The following BDP1 variants were observed in gnomAD, a reference collection of about 807,000 sequenced individuals.
BDP1 encodes the protein BDP1 general transcription factor IIIB subunit.
Under a neutral mutation model 266.6 loss-of-function variants are expected in BDP1, and 169 were observed. The ratio of observed to expected loss-of-function variants is 0.63; its 90% confidence interval spans 0.56 to 0.72. The LOEUF is 0.72. Among genes scored for constraint, BDP1 ranks in the 30% least tolerant of loss-of-function variants. The pLI is 0.00. For missense variants in BDP1, 3,015 were observed against 3,053.8 expected, an observed-to-expected ratio of 0.99 and a Z score of 0.30; for synonymous variants, 1,090 against 1,022.4, an observed-to-expected ratio of 1.07 and a Z score of -1.26.
chr5:71,512,216 T>G, intron 17 of BDP1, 25 bp from the exon 18 acceptor site: 1 of 1,241,624 alleles, frequency 8.1e-7, no homozygotes. Flanking sequence ...TTATTTGTGC[T>G]GATTTACTAT....
At chr5:71,458,510 T>C in intron 1 of BDP1, 69 bp from the exon 2 acceptor site, 1 of 1,185,314 alleles carries the variant, frequency 8.4e-7, no homozygotes, top group South Asian at 1.9e-5. Flanking sequence ...TTCACCAGAC[T>C]AGGTTTTAAA....
In BDP1 at chr5:71,509,896, G is replaced by T. The variant is rs200898204; in HGVS notation, c.2804G>T (p.Arg935Ile). Residue 935 changes from arginine (R) to isoleucine (I), a missense_variant, in exon 17 of 39, where the codon AGA becomes ATA. Transcript: ENST00000358731. ...AAAGATTTGGAAGAAGCTGGAAGAA[G>T]AGAAATATCCCCACAGAAAAATGGC... The part of the protein sequence containing the change: ...IDKDLEEAGR[R>I]EISPQKNGPE... 344 of 1,614,064 alleles carry T rather than the reference G, an allele frequency of 2.1e-4. 1 individual carries two copies. The highest frequency in any genetic ancestry group is 1.3e-3 in the Middle Eastern group (8 of 6,062).
chr5:71,470,148 C>CT (rs1264326078), intron 6 of BDP1, among the ~76,000 whole-genome samples: 3 of 152,000 alleles, frequency 2.0e-5, no homozygotes, highest in Non-Finnish European at 4.4e-5. Context: ...GCCCTGGTCT[C>CT]TAACTCTTGT....
intron 25 of BDP1, among the ~76,000 whole-genome samples, chr5:71,525,307 CA>C (rs1227563755): frequency 4.2e-5 from 6 of 143,860 alleles, no homozygotes; most frequent in Non-Finnish European, 7.7e-5. Flanking sequence ...GCTGGCCGGG[CA>C]GAGGGGCTCC....
In BDP1 at chr5:71,516,103, T is replaced by G. The variant is rs368512383; in HGVS notation, c.4692T>G (p.Ser1564Arg). ...VNTFQQEMKE[S>R]VIQTARQVRG... ...CTTTCCAGCAAGAAATGAAGGAAAGTGTTATCCAAACTGCTCGACAAGTAA... is the reference window on the plus strand; with the variant it reads ...CTTTCCAGCAAGAAATGAAGGAAAGGGTTATCCAAACTGCTCGACAAGTAA... Residue 1564 changes from serine to arginine, a missense_variant, in exon 21 of 39, where the codon AGT (serine) becomes AGG (arginine). Transcript: ENST00000358731. 4 of 1,611,088 alleles carry G rather than the reference T, an allele frequency of 2.5e-6. No homozygotes were observed. In the African/African-American group the frequency reaches 4.0e-5, roughly 16 times the overall value.
chr5:71,456,195 A>G (rs1761175151), intron 1 of BDP1, 106 bp downstream of exon 1: 1 of 1,117,110 alleles, frequency 9.0e-7, no homozygotes, highest in Middle Eastern at 2.6e-4. Context: ...TCTCGTTTGC[A>G]GTAAGCCTTT....
chr5:71,480,353 C>G (rs1026868634), intron 7 of BDP1, among the ~76,000 whole-genome samples: 9 of 138,914 alleles, frequency 6.5e-5, no homozygotes, highest in African/African-American at 2.4e-4. Flanking sequence ...CCAGGATGGT[C>G]TCAATCTCTT....
chr5:71,548,470 A>G (rs562622812), intron 32 of BDP1, among the ~76,000 whole-genome samples: 25 of 152,284 alleles, frequency 1.6e-4, no homozygotes, highest in African/African-American at 5.8e-4. Flanking sequence ...TAAAATGCAC[A>G]TATTTAACAA....
rs1171641618 is a variant in BDP1 at position 71,553,218 on chromosome 5, T to G, written c.7098T>G (p.Ser2366=). The change falls in exon 35 of 39, where the codon TCT becomes TCG. Residue 2366 remains serine (S), a synonymous_variant. Coordinates refer to ENST00000358731, the MANE Select transcript of BDP1 (RefSeq NM_018429.3). ...CGCCTGATAATTTGGATCTTGTATC[T>G]AGGAAGAGATTTCAATGCAGGCTTG... ...KKPPDNLDLV[S]RKRFQCRLDK... 2 of 1,613,366 alleles carry G rather than the reference T, an allele frequency of 1.2e-6. No individual in the cohort carries two copies. Among genetic ancestry groups the G allele is most frequent in the Admixed American group, 3.3e-5 (2 of 60,020 alleles).
Position 71,455,788 on chromosome 5 carries a change from C to A in BDP1, c.-90C>A. The A allele has an allele frequency of 9.2e-7, 1 of 1,091,432 alleles. No homozygotes were observed. The highest frequency in any genetic ancestry group is 1.3e-6 in the Non-Finnish European group (1 of 761,920). The allele number at this position is 1,091,432 out of a possible 1,614,324, so 67.6% of individuals were successfully genotyped here. On this transcript the variant is annotated 5_prime_UTR_variant, in exon 1 of 39. Coordinates refer to ENST00000358731, the MANE Select transcript of BDP1 (RefSeq NM_018429.3). The stretch of plus-strand genomic sequence containing the variant: ...TGGTGGTGTGGCTTTGTGGGGAGGG[C>A]GTAGTTCCTAATCCCCTTTCCGGGC...
intron 3 of BDP1, among the ~76,000 whole-genome samples, chr5:71,462,787 T>C (rs1295594741): frequency 1.3e-5 from 2 of 152,136 alleles, no homozygotes; most frequent in African/African-American, 4.8e-5. Context: ...TTCTTTGTTA[T>C]ATTAGTTACC....
intron 8 of BDP1, among the ~76,000 whole-genome samples, chr5:71,484,778 A>G (rs1763157432): frequency 6.6e-6 from 1 of 152,084 alleles, no homozygotes; most frequent in South Asian, 2.1e-4. Flanking sequence ...TCAGTATTTT[A>G]TGATTAATAA....
chr5:71,522,188 C>T (rs1376957884), intron 22 of BDP1, 101 bp from the exon 23 acceptor site: 3 of 872,750 alleles, frequency 3.4e-6, no homozygotes, highest in South Asian at 1.6e-5. Context: ...GTCCTTTGAA[C>T]ATAGAATTGA....
chr5:71,553,835 C>T (rs1743029181), intron 35 of BDP1, among the ~76,000 whole-genome samples: 1 of 152,194 alleles, frequency 6.6e-6, no homozygotes, highest in African/African-American at 2.4e-5. Flanking sequence ...TTTCTGGCCA[C>T]ACTGGCCATC....
intron 16 of BDP1, among the ~76,000 whole-genome samples, chr5:71,506,214 A>G (rs1764566900): frequency 6.6e-6 from 1 of 152,192 alleles, no homozygotes; most frequent in South Asian, 2.1e-4. Context: ...TCTGGGTTTT[A>G]GAACACTGGT....
chr5:71,493,654 G>A (rs1424679118), intron 11 of BDP1, among the ~76,000 whole-genome samples: 1 of 152,160 alleles, frequency 6.6e-6, no homozygotes, highest in Non-Finnish European at 1.5e-5. Flanking sequence ...GAATGGTAAA[G>A]ACAGTTTTAA....
chr5:71,572,696 G>A (rs138732492), downstream of BDP1, among the ~76,000 whole-genome samples: 1 of 152,146 alleles, frequency 6.6e-6, no homozygotes, highest in African/African-American at 2.4e-5. Context: ...AGGTTATTAC[G>A]CATAACCCAT....
At chr5:71,569,458 A>G (rs1438601770), downstream of BDP1, among the ~76,000 whole-genome samples, 2 of 152,084 alleles carry the variant, frequency 1.3e-5, no homozygotes, top group Admixed American at 1.3e-4. Flanking sequence ...ACATTAAAAA[A>G]TAATAGGGCC....
At chr5:71,476,077 C>T (rs1474426864) in intron 7 of BDP1, 1 of 153,620 alleles carries the variant, frequency 6.5e-6, no homozygotes. Context: ...CAGGCTTCCT[C>T]TAAATCTCTT....
Sources: allele counts gnomAD v4.1 joint callset (sites outside exome capture counted in the v4.1 genomes callset), GRCh38; gene constraint gnomAD v4.1.1; transcripts MANE v1.5; gene names NCBI Gene and HGNC (gene_info 2026-07-23, HGNC 2026-07-21).